The following FAM228B variants were observed in gnomAD, a reference collection of about 807,000 sequenced individuals.
The protein encoded by FAM228B is protein FAM228B.
FAM228B carries 38 observed loss-of-function variants against 42.6 expected under a neutral mutation model. The observed-to-expected ratio is 0.89, with a 90% CI of 0.69 to 1.17. The LOEUF is 1.17. Ranked by LOEUF, FAM228B falls within the 50% of genes most tolerant of loss-of-function variation. The pLI, the probability that FAM228B is intolerant of heterozygous loss-of-function variation, is 0.00. For synonymous variants in FAM228B, 109 were observed against 122.3 expected, an observed-to-expected ratio of 0.89 and a Z score of 0.72; for missense variants, 344 against 367.3, an observed-to-expected ratio of 0.94 and a Z score of 0.52.
chr2:24,136,995 A>G (rs1666606885), intron 3 of FAM228B, among the ~76,000 whole-genome samples: 1 of 152,074 alleles, frequency 6.6e-6, no homozygotes, highest in Admixed American at 6.5e-5. Flanking sequence ...GCTATTCCAG[A>G]TAGTTCGTAT....
chr2:24,148,854 C>G (rs1403376958), intron 7 of FAM228B, among the ~76,000 whole-genome samples: 1 of 152,162 alleles, frequency 6.6e-6, no homozygotes, highest in East Asian at 1.9e-4. Flanking sequence ...TTAACCCCAT[C>G]CCTACTTACC....
chr2:24,154,229 A>G (rs1667083371), intron 7 of FAM228B, among the ~76,000 whole-genome samples: 1 of 152,202 alleles, frequency 6.6e-6, no homozygotes, highest in Non-Finnish European at 1.5e-5. Context: ...TAGATGTTCA[A>G]ATTTGTTGTT....
At chr2:24,158,174 C>G (rs146432116) in intron 7 of FAM228B, among the ~76,000 whole-genome samples, 1 of 126,770 alleles carries the variant, frequency 7.9e-6, no homozygotes, top group African/African-American at 2.9e-5. Context: ...TTCACATATG[C>G]TGGGCTTTCT....
At chr2:24,161,796 T>C (rs1667293201) in intron 8 of FAM228B, among the ~76,000 whole-genome samples, 183 bp downstream of exon 8, 1 of 152,180 alleles carries the variant, frequency 6.6e-6, no homozygotes, top group Non-Finnish European at 1.5e-5. Flanking sequence ...CCCAGGCTTT[T>C]CTGGTCTTAA....
intron 3 of FAM228B, among the ~76,000 whole-genome samples, chr2:24,115,880 T>G (rs1665898668): frequency 6.9e-6 from 1 of 145,626 alleles, no homozygotes; most frequent in Non-Finnish European, 1.5e-5. Context: ...ATTTGAGTTG[T>G]CCTGGAGTAT....
At chr2:24,078,815 G>A (rs1009735708) in intron 1 of FAM228B, 18 of 152,490 alleles carry the variant, frequency 1.2e-4, no homozygotes, top group African/African-American at 4.3e-4. Context: ...AAACCCTATG[G>A]TGGAAACATT....
chr2:24,158,257 A>C (rs1259692118), intron 7 of FAM228B, among the ~76,000 whole-genome samples: 2 of 139,024 alleles, frequency 1.4e-5, no homozygotes, highest in Non-Finnish European at 3.1e-5. Context: ...CCGCTTTAAA[A>C]CTTCCTCTCT....
At chr2:24,081,984 C>G (rs752228447) in intron 2 of FAM228B, among the ~76,000 whole-genome samples, 29 of 151,922 alleles carry the variant, frequency 1.9e-4, no homozygotes, top group South Asian at 4.1e-4. Flanking sequence ...CGTGAGCCAC[C>G]ACGCCCAGCC....
At chr2:24,115,672 C>G (rs1665891626) in intron 3 of FAM228B, 2 of 1,541,964 alleles carry the variant, frequency 1.3e-6, no homozygotes, top group Admixed American at 3.4e-5. Flanking sequence ...ACAAATGATT[C>G]ATTCATCCAT....
intron 2 of FAM228B, among the ~76,000 whole-genome samples, chr2:24,132,254 G>A (rs760266910): frequency 2.0e-5 from 3 of 152,030 alleles, no homozygotes; most frequent in Admixed American, 6.6e-5. Flanking sequence ...GACAATTTTC[G>A]CATTGTACTT....
At chr2:24,139,526 C>T in intron 5 of FAM228B, 76 bp downstream of exon 5, 3 of 738,386 alleles carry the variant, frequency 4.1e-6, no homozygotes, top group Non-Finnish European at 6.7e-6. Context: ...TATGAGCAGT[C>T]CTTAAGCGAT....
intron 7 of FAM228B, 40 bp downstream of exon 7, chr2:24,147,126 CTT>C: frequency 1.5e-6 from 2 of 1,362,386 alleles, no homozygotes. Flanking sequence ...ACCTTTTGGA[CTT>C]TGAAAATTCT....
At position 24,144,518 on chromosome 2, in the gene FAM228B, T is replaced by C. The variant is rs550432924; in HGVS notation, c.442-2230T>C. Among the ~76,000 whole-genome samples, 5 of 152,156 alleles carry C rather than the reference T, an allele frequency of 3.3e-5. No homozygotes were observed. The South Asian group carries it at 1.0e-3, about 32-fold the overall frequency. On this transcript the variant is annotated intron_variant, in intron 5 of 10. Coordinates refer to ENST00000615575, the MANE Select transcript of FAM228B (RefSeq NM_001145710.2). The stretch of plus-strand genomic sequence containing the variant: ...AGTAGAAAATTGTACTTGGAACACG[T>C]CATCTAAGAGGAACACTGGAATTCC...
chr2:24,164,316 C>CG lies in FAM228B; in HGVS notation c.916dup (p.Glu306GlyfsTer35). The CG allele has an allele frequency of 6.4e-7, 1 of 1,550,694 alleles. No homozygotes were observed. Among genetic ancestry groups the CG allele is most frequent in the Non-Finnish European group, 8.7e-7 (1 of 1,146,458 alleles). On this transcript the variant is annotated frameshift_variant, in exon 9 of 11. Coordinates refer to ENST00000615575, the MANE Select transcript of FAM228B (RefSeq NM_001145710.2). LOFTEE classifies it high-confidence loss of function. ...TTCTTCCTTGAGCCTCAGCCAGGAACGGGAGGAAGACCAGGATGGGTAAGA... is the reference window on the plus strand; with the variant it reads ...TTCTTCCTTGAGCCTCAGCCAGGAACGGGGAGGAAGACCAGGATGGGTAAGA...
chr2:24,161,741 C>A, intron 8 of FAM228B, 128 bp downstream of exon 8: 1 of 645,828 alleles, frequency 1.5e-6, no homozygotes, highest in Non-Finnish European at 2.7e-6. Flanking sequence ...TGTGGCAGGA[C>A]ACCGGGCATC....
rs767045697 is a variant in FAM228B at position 24,083,010 on chromosome 2, C to T, written c.-210+2055C>T. On this transcript the variant is annotated intron_variant, in intron 2 of 10. Transcript: ENST00000613899. ...GGGGACAGTGACGTACTGAGCCTGG[C>T]CCCCACCGGGGAGCAGAGCCATGGC... 1.9e-6 allele frequency: 3 copies of T among 1,614,174 alleles called. No homozygotes were observed. Among genetic ancestry groups the T allele is most frequent in the South Asian group, 2.2e-5 (2 of 91,088 alleles).
chr2:24,135,669 G>A (rs533745231), intron 3 of FAM228B, among the ~76,000 whole-genome samples: 1 of 152,300 alleles, frequency 6.6e-6, no homozygotes, highest in East Asian at 1.9e-4. Context: ...AAAAAGGAAA[G>A]GAACTAACAT....
Position 24,145,219 on chromosome 2 carries a change from G to T in FAM228B, c.442-1529G>T, listed in dbSNP as rs567517869. 5.3e-5 allele frequency among the ~76,000 whole-genome samples: 8 copies of T among 152,300 alleles called. No individual in the cohort carries two copies. In the East Asian group the frequency reaches 1.5e-3, roughly 29 times the overall value. ...CACCGGTGCCACTGTATACTGCTCT[G>T]AGGACCAAGGACAGGCACCCTTGGC... On this transcript the variant is annotated intron_variant, in intron 5 of 10. Coordinates refer to ENST00000615575, the MANE Select transcript of FAM228B (RefSeq NM_001145710.2).
rs747307509 is a variant in FAM228B at position 24,084,330 on chromosome 2, G to C, written c.-210+3375G>C. On this transcript the variant is annotated intron_variant, in intron 2 of 10. Coordinates refer to the FAM228B transcript ENST00000613899. This position sits in a 1 kb window ranked among gnomAD's most constrained non-coding sequence, Gnocchi z 8.4. Reference sequence around the variant, plus strand: ...TGTCAAAGTGCACGGCTAACATATTGTCTGAGGACACAGGGCAGGGCAGGG... The same window carrying C: ...TGTCAAAGTGCACGGCTAACATATTCTCTGAGGACACAGGGCAGGGCAGGG... The C allele has an allele frequency of 1.2e-6, 2 of 1,613,296 alleles. No individual in the cohort carries two copies. Among genetic ancestry groups the C allele is most frequent in the Admixed American group, 3.3e-5 (2 of 59,988 alleles).
Sources: gnomAD v4.1 joint callset for allele counts (sites outside exome capture counted in the v4.1 genomes callset) on GRCh38, gnomAD v4.1.1 for gene constraint, Gnocchi (gnomAD v3.1) non-coding constraint, MANE v1.5 for transcripts, NCBI Gene and HGNC (gene_info 2026-07-23, HGNC 2026-07-21) for gene names.